Variants in RELN observed in about 807,000 individuals in gnomAD.
RELN encodes the protein reelin.
RELN carries 108 observed loss-of-function variants against 427.6 expected under a neutral mutation model. That is an observed-to-expected ratio of 0.25 (90% confidence interval 0.22 to 0.30). The LOEUF (loss-of-function observed/expected upper bound fraction) is 0.30, where lower values mean the gene tolerates loss of function less well. Ranked by LOEUF, RELN falls within the 10% of genes least tolerant of loss-of-function variation. RELN has a pLI of 1.00. For synonymous variants in RELN, 1,524 were observed against 1,513.4 expected, an observed-to-expected ratio of 1.01 and a Z score of -0.16; for missense variants, 3,715 against 4,302.8, an observed-to-expected ratio of 0.86 and a Z score of 3.82.
chr7:103,475,719 A>C (rs982484279), intron 64 of RELN, among the ~76,000 whole-genome samples: 1 of 152,200 alleles, frequency 6.6e-6, no homozygotes, highest in African/African-American at 2.4e-5. Context: ...CAACGTCTCC[A>C]TATAATTATT....
chr7:103,688,306 T>C (rs937810172), intron 10 of RELN, among the ~76,000 whole-genome samples: 1 of 152,254 alleles, frequency 6.6e-6, no homozygotes, highest in South Asian at 2.1e-4. Context: ...ACACACTAGA[T>C]AGTTTCCAGT....
intron 14 of RELN, 128 bp from the exon 15 acceptor site, chr7:103,651,917 T>G: frequency 2.1e-6 from 2 of 958,536 alleles, no homozygotes; most frequent in Non-Finnish European, 3.2e-6. Flanking sequence ...TTAAAGATGC[T>G]GTTTCCTAAA....
chr7:103,790,637 G>A (rs1563015276), intron 3 of RELN, among the ~76,000 whole-genome samples: 1 of 152,058 alleles, frequency 6.6e-6, no homozygotes, highest in Non-Finnish European at 1.5e-5. Context: ...AGATCATGAG[G>A]GTAGTGCCCT....
chr7:103,963,042 G>T (rs1358016878), intron 1 of RELN, among the ~76,000 whole-genome samples: 1 of 152,018 alleles, frequency 6.6e-6, no homozygotes, highest in Non-Finnish European at 1.5e-5. Flanking sequence ...GGAGACAGAC[G>T]TAAGCCAGTG....
intron 22 of RELN, among the ~76,000 whole-genome samples, chr7:103,605,335 C>A (rs1052962519): frequency 6.6e-6 from 1 of 152,134 alleles, no homozygotes; most frequent in South Asian, 2.1e-4. Flanking sequence ...CTAAATTCTA[C>A]TTATTTCTGA....
intron 28 of RELN, among the ~76,000 whole-genome samples, chr7:103,580,916 C>T (rs981930118): frequency 1.3e-5 from 2 of 152,134 alleles, no homozygotes; most frequent in African/African-American, 2.4e-5. Context: ...TGGCACATTA[C>T]ACTGATCTAT....
chr7:103,715,814 C>A (rs1789923372), intron 8 of RELN, among the ~76,000 whole-genome samples: 1 of 152,200 alleles, frequency 6.6e-6, no homozygotes, highest in Non-Finnish European at 1.5e-5. Context: ...TCTCCCAAGC[C>A]CACAGTAGTT....
chr7:103,987,557 G>A (rs1307056900), intron 1 of RELN, among the ~76,000 whole-genome samples: 1 of 152,150 alleles, frequency 6.6e-6, no homozygotes, highest in African/African-American at 2.4e-5. Context: ...ACGCCTTTGA[G>A]ACCAGCCTCA....
At chr7:103,689,093 A>G (rs574783432) in intron 10 of RELN, among the ~76,000 whole-genome samples, 1 of 152,238 alleles carries the variant, frequency 6.6e-6, no homozygotes, top group South Asian at 2.1e-4. Flanking sequence ...TTAAAAAATA[A>G]AATGTCTTTT....
intron 59 of RELN, among the ~76,000 whole-genome samples, chr7:103,490,370 T>C (rs568481271): frequency 1.3e-5 from 2 of 152,280 alleles, no homozygotes; most frequent in Non-Finnish European, 2.9e-5. Flanking sequence ...CAGTCTTGGA[T>C]TGGGGTCTGT....
chr7:103,878,846 C>T (rs187869130), intron 2 of RELN, among the ~76,000 whole-genome samples: 36 of 152,234 alleles, frequency 2.4e-4, no homozygotes, highest in African/African-American at 7.9e-4. Flanking sequence ...CAGACCTAAC[C>T]CAGATTGATT....
chr7:103,814,796 T>C (rs1223911642), intron 3 of RELN, among the ~76,000 whole-genome samples: 1 of 152,086 alleles, frequency 6.6e-6, no homozygotes. Flanking sequence ...TGGGCCTCAG[T>C]TTCCTCATTT....
intron 8 of RELN, among the ~76,000 whole-genome samples, chr7:103,709,997 G>C (rs1789753307): frequency 6.6e-6 from 1 of 152,192 alleles, no homozygotes; most frequent in African/African-American, 2.4e-5. Context: ...AAGAAAGAAG[G>C]AAGTGTCAAT....
chr7:103,502,886 A>C (rs1013608185), intron 52 of RELN, 130 bp downstream of exon 52: 2 of 784,686 alleles, frequency 2.5e-6, no homozygotes, highest in Admixed American at 4.1e-5. Context: ...CAATTAGAGA[A>C]CCTTTAGAGT....
intron 46 of RELN, among the ~76,000 whole-genome samples, chr7:103,526,044 C>T (rs989300742): frequency 2.0e-5 from 3 of 152,138 alleles, no homozygotes; most frequent in African/African-American, 7.2e-5. Flanking sequence ...GGTAGATGGG[C>T]AGGGCCTGGT....
At chr7:103,530,860 T>C (rs1250983523) in intron 46 of RELN, among the ~76,000 whole-genome samples, 2 of 152,202 alleles carry the variant, frequency 1.3e-5, no homozygotes, top group Non-Finnish European at 2.9e-5. Context: ...CATTCCTCAA[T>C]GAAGCACTAA....
chr7:103,860,001 C>A (rs1794035616), intron 2 of RELN, among the ~76,000 whole-genome samples: 1 of 152,060 alleles, frequency 6.6e-6, no homozygotes, highest in Non-Finnish European at 1.5e-5. Context: ...GTAAGTAAAC[C>A]ATTAAGCTCT....
chr7:103,777,038 C>T (rs570798890), intron 3 of RELN, among the ~76,000 whole-genome samples: 2 of 152,020 alleles, frequency 1.3e-5, no homozygotes, highest in East Asian at 1.9e-4. Flanking sequence ...CAATAGTCAC[C>T]GTAACTTATA....
At chr7:103,972,894 A>ATGTGTGTGTGTGTG (rs34930399) in intron 1 of RELN, among the ~76,000 whole-genome samples, 4,263 of 149,220 alleles carry the variant, frequency 0.029, 105 homozygotes, top group African/African-American at 0.062. Context: ...GCATATGATT[A>ATGTGTGTGTGTGTG]TGTGTGTGTG....
Sources: allele counts gnomAD v4.1 joint callset (sites outside exome capture counted in the v4.1 genomes callset), GRCh38; gene constraint gnomAD v4.1.1; transcripts MANE v1.5; gene names NCBI Gene and HGNC (gene_info 2026-07-23, HGNC 2026-07-21).